PDK3: variants seen among roughly 807,000 people sequenced by gnomAD.
PDK3 encodes the protein pyruvate dehydrogenase kinase, isozyme 3.
In PDK3, 12 loss-of-function variants were observed where a neutral mutation model predicts 32.0. The observed-to-expected ratio is 0.37, with a 90% confidence interval of 0.24 to 0.61. The LOEUF is 0.61. Among genes scored for constraint, PDK3 ranks in the 20% least tolerant of loss-of-function variants. The pLI, the probability that PDK3 is intolerant of heterozygous loss-of-function variation, is 0.65. For missense variants in PDK3, 188 were observed against 316.9 expected (o/e 0.59, Z 3.09); for synonymous variants, 122 against 116.3 (o/e 1.05, Z -0.31).
exon 12 of PDK3, among the ~76,000 whole-genome samples, chrX:24,544,437 G>A (rs1176812266): frequency 9.0e-6 from 1 of 111,568 alleles, no homozygotes. Context: ...TTGGATACCG[G>A]AGGGGATGAA....
chrX:24,469,279 G>A (rs1272194791), intron 1 of PDK3, among the ~76,000 whole-genome samples: 1 of 111,570 alleles, frequency 9.0e-6, no homozygotes, highest in African/African-American at 3.3e-5. Flanking sequence ...GCAGGTATGT[G>A]CATTTGTAAT....
intron 1 of PDK3, among the ~76,000 whole-genome samples, chrX:24,476,275 T>C (rs1375907604): frequency 1.8e-5 from 2 of 111,417 alleles, no homozygotes; most frequent in Admixed American, 9.5e-5. Context: ...CAACCTCAGA[T>C]AGAAAATATT....
chrX:24,534,364 C>A lies in PDK3; in HGVS notation c.*292C>A. 1 of 348,391 alleles carries A rather than the reference C, an allele frequency of 2.9e-6. No homozygotes were observed. The highest frequency in any genetic ancestry group is 4.2e-6 in the Non-Finnish European group (1 of 238,233). The allele number at this position is 348,391 out of a possible 1,213,427, so 28.7% of individuals were successfully genotyped here. On this transcript the variant is annotated 3_prime_UTR_variant, in exon 11 of 11. Coordinates refer to ENST00000379162, the MANE Select transcript of PDK3 (RefSeq NM_005391.5). ...AAGGACATTCTGATATGTGCTGCAA[C>A]ATGGGTGAATCTTGAAGTCATTATG...
chrX:24,537,282 ATTT>A (rs1167543267), downstream of PDK3, among the ~76,000 whole-genome samples: 3,862 of 65,558 alleles, frequency 0.059, 155 homozygotes, highest in South Asian at 0.29. Context: ...ACGCCTGGCT[ATTT>A]TTTTTTTTTT....
intron 10 of PDK3, among the ~76,000 whole-genome samples, chrX:24,533,221 C>T (rs1278882546): frequency 9.4e-6 from 1 of 106,935 alleles, no homozygotes; most frequent in African/African-American, 3.4e-5. Flanking sequence ...ACTGCAACCT[C>T]TGCCTCCTGG....
At chrX:24,506,903 C>A (rs184318467) in intron 5 of PDK3, among the ~76,000 whole-genome samples, 1 of 98,683 alleles carries the variant, frequency 1.0e-5, no homozygotes, top group Admixed American at 1.2e-4. Flanking sequence ...CTCTGTCCTT[C>A]GAGTTCAAGT....
chrX:24,472,903 T>C (rs1285574112), intron 1 of PDK3, among the ~76,000 whole-genome samples: 1 of 106,730 alleles, frequency 9.4e-6, no homozygotes, highest in Non-Finnish European at 1.9e-5. Context: ...GTCAGGCTGG[T>C]CTTGAACTCT....
chrX:24,531,906 T>A (rs1186318432), intron 10 of PDK3, 136 bp downstream of exon 10: 1 of 398,472 alleles, frequency 2.5e-6, no homozygotes, highest in Non-Finnish European at 4.4e-6. Flanking sequence ...AAAACCATGT[T>A]ATGCCTCACG....
intron 5 of PDK3, among the ~76,000 whole-genome samples, chrX:24,508,328 C>CA (rs1922034557): frequency 9.0e-6 from 1 of 111,585 alleles, no homozygotes; most frequent in African/African-American, 3.3e-5. Flanking sequence ...CACAAGGCCC[C>CA]ACCGCCAACA....
intron 1 of PDK3, among the ~76,000 whole-genome samples, chrX:24,478,564 A>G (rs1266928030): frequency 9.0e-6 from 1 of 111,702 alleles, no homozygotes. Flanking sequence ...TTCGTGGGAG[A>G]GCTGGGTTTG....
chrX:24,544,467 A>T (rs975799110), exon 12 of PDK3, among the ~76,000 whole-genome samples: 1 of 111,497 alleles, frequency 9.0e-6, no homozygotes, highest in Non-Finnish European at 1.9e-5. Flanking sequence ...TTCATCTGAG[A>T]TCTCAACCGC....
At chrX:24,490,935 C>G (rs1370903245) in intron 1 of PDK3, among the ~76,000 whole-genome samples, 2 of 111,118 alleles carry the variant, frequency 1.8e-5, no homozygotes, top group East Asian at 5.6e-4. Flanking sequence ...TTAGTTCATA[C>G]TGATACTACC....
chrX:24,499,660 C>A (rs1921803946), intron 3 of PDK3, among the ~76,000 whole-genome samples: 1 of 111,692 alleles, frequency 9.0e-6, no homozygotes, highest in Non-Finnish European at 1.9e-5. Context: ...ATACAAGCAA[C>A]CTTAGGAGGT....
exon 12 of PDK3, chrX:24,549,247 C>G (rs1156662972): frequency 1.8e-5 from 2 of 110,807 alleles, no homozygotes; most frequent in African/African-American, 3.3e-5. Context: ...TAGATCTGCT[C>G]CTTTTCTCCT....
chrX:24,494,667 G>A (rs1921656960), intron 1 of PDK3, 75 bp from the exon 2 acceptor site: 7 of 721,734 alleles, frequency 9.7e-6, no homozygotes, highest in Admixed American at 6.5e-5. Context: ...AGTAGTAACC[G>A]TGCTACCGTG....
At chrX:24,489,197 G>C (rs1257093746) in intron 1 of PDK3, among the ~76,000 whole-genome samples, 1 of 112,002 alleles carries the variant, frequency 8.9e-6, no homozygotes, top group East Asian at 2.8e-4. Context: ...TGTACGTGAA[G>C]AAAGCACAGA....
chrX:24,536,368 G>GT (rs199878582), downstream of PDK3, among the ~76,000 whole-genome samples: 155 of 107,239 alleles, frequency 1.4e-3, no homozygotes, highest in East Asian at 0.018. Flanking sequence ...ATAAAAGAAT[G>GT]TTTTTTTTTT....
intron 5 of PDK3, among the ~76,000 whole-genome samples, chrX:24,516,333 C>T (rs1213337284): frequency 9.0e-6 from 1 of 111,610 alleles, no homozygotes; most frequent in East Asian, 2.8e-4. Flanking sequence ...CAGTTTTCTA[C>T]TCCTAGGTAT....
intron 5 of PDK3, among the ~76,000 whole-genome samples, chrX:24,511,143 G>A (rs950684323): frequency 1.8e-5 from 2 of 112,229 alleles, no homozygotes; most frequent in African/African-American, 6.5e-5. Context: ...AAGAGGCCCA[G>A]GCCTCACCAG....
Sources: gnomAD v4.1 joint callset for allele counts (sites outside exome capture counted in the v4.1 genomes callset) on GRCh38, gnomAD v4.1.1 for gene constraint, MANE v1.5 for transcripts, NCBI Gene and HGNC (gene_info 2026-07-23, HGNC 2026-07-21) for gene names.